ATP2B2: variants seen among roughly 807,000 people sequenced by gnomAD.
ATP2B2 encodes ATPase plasma membrane Ca2+ transporting 2, also known as plasma membrane calcium-transporting ATPase 2.
ATP2B2 carries 15 observed loss-of-function variants against 120.0 expected under a neutral mutation model. That is an observed-to-expected ratio of 0.12 (90% confidence interval 0.08 to 0.19). The LOEUF (loss-of-function observed/expected upper bound fraction) is 0.19, where lower values mean the gene tolerates loss of function less well. Ranked by LOEUF, ATP2B2 falls within the 10% of genes least tolerant of loss-of-function variation. The pLI is 1.00. For synonymous variants in ATP2B2, 694 were observed against 700.3 expected, an observed-to-expected ratio of 0.99 and a Z score of 0.14; for missense variants, 1,045 against 1,719.8, an observed-to-expected ratio of 0.61 and a Z score of 6.94.
At chr3:10,529,764 T>A (rs965149980) in intron 3 of ATP2B2, among the ~76,000 whole-genome samples, 1 of 152,248 alleles carries the variant, frequency 6.6e-6, no homozygotes, top group East Asian at 1.9e-4. Context: ...ACAGAGGTGA[T>A]CAAGTTAAAA....
Position 10,345,991 on chromosome 3 carries a change from C to T in ATP2B2, c.2511+40G>A, listed in dbSNP as rs758904016. ...CCAAGGTTGTGTAGTCCAATCTCCC[C>T]AGCCCCCACCACCCCAGGCCCTCTG... On this transcript the variant is annotated intron_variant, in intron 17 of 22. Transcript: ENST00000360273. 39 of 1,572,572 alleles carry T rather than the reference C, an allele frequency of 2.5e-5. 1 individual carries two copies. The Admixed American group carries it at 5.2e-4, about 21-fold the overall frequency.
intron 1 of ATP2B2, among the ~76,000 whole-genome samples, chr3:10,682,502 G>C (rs1251648180): frequency 6.6e-6 from 1 of 152,204 alleles, no homozygotes; most frequent in East Asian, 1.9e-4. Context: ...TTCTCTTGTA[G>C]GGCCATTGTG....
chr3:10,589,746 G>A (rs1263072200), intron 2 of ATP2B2, among the ~76,000 whole-genome samples: 1 of 152,208 alleles, frequency 6.6e-6, no homozygotes, highest in Non-Finnish European at 1.5e-5. Flanking sequence ...AATGGCTAAA[G>A]TAATAATGAG....
intron 1 of ATP2B2, among the ~76,000 whole-genome samples, chr3:10,654,433 G>T (rs1410556583): frequency 6.6e-6 from 1 of 152,134 alleles, no homozygotes; most frequent in Non-Finnish European, 1.5e-5. Flanking sequence ...TTTCCAGGCT[G>T]TACAGGCTGA....
chr3:10,618,560 G>GCAT (rs1257596808), intron 2 of ATP2B2, among the ~76,000 whole-genome samples: 3 of 152,184 alleles, frequency 2.0e-5, no homozygotes, highest in Non-Finnish European at 1.5e-5. Flanking sequence ...CACGGCAGCA[G>GCAT]CAAAATCGGA....
At chr3:10,693,307 A>G (rs559315783) in intron 1 of ATP2B2, among the ~76,000 whole-genome samples, 10 of 152,360 alleles carry the variant, frequency 6.6e-5, no homozygotes, top group African/African-American at 1.2e-4. Context: ...TGCCATGGCT[A>G]AGGGCCTCCT....
At chr3:10,693,499 AG>A (rs1358226429) in intron 1 of ATP2B2, among the ~76,000 whole-genome samples, 1 of 152,244 alleles carries the variant, frequency 6.6e-6, no homozygotes, top group African/African-American at 2.4e-5. Flanking sequence ...CTCCCAGTAA[AG>A]TACACAGCAA....
chr3:10,579,479 C>G (rs2125558275), intron 2 of ATP2B2, among the ~76,000 whole-genome samples: 1 of 152,212 alleles, frequency 6.6e-6, no homozygotes, highest in Admixed American at 6.5e-5. Context: ...TCAAGAGCAG[C>G]CTGGCTAACA....
chr3:10,583,088 T>C (rs955539748), intron 2 of ATP2B2, among the ~76,000 whole-genome samples: 2 of 152,250 alleles, frequency 1.3e-5, no homozygotes, highest in African/African-American at 2.4e-5. Context: ...CAGAAGATTC[T>C]TGTGCATTTG....
intron 21 of ATP2B2, 105 bp from the exon 22 acceptor site, chr3:10,338,463 G>A: frequency 3.3e-6 from 4 of 1,227,790 alleles, no homozygotes; most frequent in Non-Finnish European, 4.7e-6. Context: ...GCTCACCCAG[G>A]CATGTGATCA....
At chr3:10,577,090 G>T (rs1016012535) in intron 2 of ATP2B2, among the ~76,000 whole-genome samples, 15 of 150,284 alleles carry the variant, frequency 1.0e-4, no homozygotes, top group African/African-American at 3.7e-4. Context: ...GCCTGGGTAT[G>T]GTCCTTGGGC....
intron 3 of ATP2B2, among the ~76,000 whole-genome samples, chr3:10,512,452 T>G (rs2066780132): frequency 7.8e-6 from 1 of 128,524 alleles, no homozygotes; most frequent in African/African-American, 3.2e-5. Flanking sequence ...TCCTGGGTGC[T>G]AAAGTGTGTG....
chr3:10,388,153 G>T (rs1477732622), intron 6 of ATP2B2, 124 bp downstream of exon 6: 3 of 1,408,286 alleles, frequency 2.1e-6, no homozygotes, highest in Admixed American at 3.4e-5. Flanking sequence ...GCAGGAGGTG[G>T]CTGTCAGCAC....
At chr3:10,354,111 C>T (rs1163854261) in intron 14 of ATP2B2, among the ~76,000 whole-genome samples, 3 of 152,222 alleles carry the variant, frequency 2.0e-5, no homozygotes, top group Admixed American at 6.5e-5. Flanking sequence ...TGTGTCAAGT[C>T]TTTCCCATCT....
At chr3:10,559,512 T>G (rs1174649701) in intron 2 of ATP2B2, among the ~76,000 whole-genome samples, 1 of 151,742 alleles carries the variant, frequency 6.6e-6, no homozygotes, top group African/African-American at 2.4e-5. Flanking sequence ...ACAATTATTG[T>G]GTGTCCACTA....
chr3:10,515,276 T>C (rs2066854602), intron 3 of ATP2B2, among the ~76,000 whole-genome samples: 1 of 152,208 alleles, frequency 6.6e-6, no homozygotes, highest in Non-Finnish European at 1.5e-5. Context: ...GAGTAATACA[T>C]ATGTACATGG....
Position 10,352,106 on chromosome 3 carries a change from A to C in ATP2B2, c.2137-1529T>G, listed in dbSNP as rs184608357. ...CCTTTCTGCCTTCAGCAATGGTAAA[A>C]ACAAGGAATCGGCCTTGACTATCTC... On this transcript the variant is annotated intron_variant, in intron 14 of 22. Transcript: ENST00000360273. 7.2e-5 allele frequency among the ~76,000 whole-genome samples: 11 copies of C among 152,322 alleles called. No individual in the cohort carries two copies. In the East Asian group the frequency reaches 2.1e-3, roughly 29 times the overall value.
rs1465873295 is a variant in ATP2B2 at position 10,375,469 on chromosome 3, G to T, written c.1377C>A (p.Leu459=). 6.2e-7 allele frequency: 1 copy of T among 1,613,206 alleles called. No individual in the cohort carries two copies. Among genetic ancestry groups the T allele is most frequent in the Middle Eastern group, 1.7e-4 (1 of 5,726 alleles). ...TVLVVAVPEG[L]PLAVTISLAY... is the part of the protein sequence containing the mutation. ...CCAACGAGATGGTGACGGCCAGAGG[G>T]AGCCCCTCGGGCACGGCGACCACCA... Residue 459 remains leucine (L), a synonymous_variant, in exon 11 of 23, where the codon CTC becomes CTA. Transcript: ENST00000360273. The surrounding 1 kb of genome is among the most constrained non-coding windows in gnomAD (Gnocchi z 4.2).
At chr3:10,555,745 C>G (rs1023690320) in intron 2 of ATP2B2, among the ~76,000 whole-genome samples, 1 of 152,186 alleles carries the variant, frequency 6.6e-6, no homozygotes, top group Non-Finnish European at 1.5e-5. Flanking sequence ...GGGTTCCTTA[C>G]AGGGTCCAGA....
Sources: allele counts gnomAD v4.1 joint callset (sites outside exome capture counted in the v4.1 genomes callset), GRCh38; gene constraint gnomAD v4.1.1; non-coding constraint Gnocchi (gnomAD v3.1); transcripts MANE v1.5; gene names NCBI Gene and HGNC (gene_info 2026-07-23, HGNC 2026-07-21).